Variants in UGT1A9 observed in about 807,000 individuals in gnomAD.
The protein encoded by UGT1A9 is UDP glucuronosyltransferase family 1 member A9.
A neutral mutation model predicts 45.0 loss-of-function variants in UGT1A9; 35 were observed. That is an observed-to-expected ratio of 0.78 (90% confidence interval 0.59 to 1.03). UGT1A9 has a LOEUF of 1.03. Among genes scored for constraint, UGT1A9 ranks in the 50% least tolerant of loss-of-function variants. The probability of loss-of-function intolerance (pLI) is 0.00; values close to 1 mark genes in which losing one functional copy is unlikely to be tolerated. For synonymous variants in UGT1A9, 278 were observed against 250.6 expected (o/e 1.11, Z -1.03); for missense variants, 687 against 666.6 (o/e 1.03, Z -0.34).
At chr2:233,693,691 T>C (rs755873387) in intron 1 of UGT1A9, 25 of 1,614,244 alleles carry the variant, frequency 1.5e-5, no homozygotes, top group Non-Finnish European at 2.0e-5. Flanking sequence ...TTTCAAAGTA[T>C]GAAGAACTCG....
chr2:233,745,152 G>T (rs1403503351), intron 1 of UGT1A9, among the ~76,000 whole-genome samples: 1 of 151,720 alleles, frequency 6.6e-6, no homozygotes, highest in Non-Finnish European at 1.5e-5. Flanking sequence ...GTATATGGAG[G>T]GTCAAATGTG....
chr2:233,760,467 A>G (rs1444464587), intron 1 of UGT1A9: 1 of 1,614,232 alleles, frequency 6.2e-7, no homozygotes, highest in South Asian at 1.1e-5. Context: ...TAGTTGTCCT[A>G]GCACCTGACG....
intron 1 of UGT1A9, chr2:233,721,833 A>G (rs1417252749): frequency 1.9e-6 from 1 of 515,974 alleles, no homozygotes; most frequent in African/African-American, 1.9e-5. Flanking sequence ...TGGGCCACCG[A>G]CCTTGTGTCC....
chr2:233,697,327 T>C (rs960818625), intron 1 of UGT1A9, among the ~76,000 whole-genome samples: 1 of 152,152 alleles, frequency 6.6e-6, no homozygotes, highest in Non-Finnish European at 1.5e-5. Context: ...TGTTTGGAAA[T>C]GTATCCATTT....
In UGT1A9 at chr2:233,719,617, C is replaced by T. The variant is rs756696112; in HGVS notation, c.855+46828C>T. On this transcript the variant is annotated intron_variant, in intron 1 of 4. Transcript: ENST00000354728. ...CGAGGGGACTTTGTGATGGACTACC[C>T]CAGGCCGATCATGCCCAACATGGTC... 9 of 1,614,012 alleles carry T rather than the reference C, an allele frequency of 5.6e-6. No homozygotes were observed. The South Asian group carries it at 9.9e-5, about 18-fold the overall frequency.
rs367716901 is a variant in UGT1A9, at chr2:233,672,396, C to T, written c.462C>T (p.Gly154=). 1.1e-5 allele frequency: 17 copies of T among 1,613,928 alleles called. No individual in the cohort carries two copies. The highest frequency in any genetic ancestry group is 1.4e-5 in the Non-Finnish European group (17 of 1,179,970). ...AVFLDPFDNC[G]LIVAKYFSLP... Reference sequence around the variant, plus strand: ...TTCTCGATCCTTTTGATAACTGTGGCTTAATTGTTGCCAAATATTTCTCCC... The same window carrying T: ...TTCTCGATCCTTTTGATAACTGTGGTTTAATTGTTGCCAAATATTTCTCCC... The change falls in exon 1 of 5, where the codon GGC becomes GGT. Residue 154 remains glycine, a synonymous_variant. Coordinates refer to ENST00000354728, the MANE Select transcript of UGT1A9 (RefSeq NM_021027.3).
At chr2:233,749,645 C>T (rs1375243273) in intron 1 of UGT1A9, among the ~76,000 whole-genome samples, 7 of 151,834 alleles carry the variant, frequency 4.6e-5, no homozygotes, top group Non-Finnish European at 1.0e-4. Flanking sequence ...CAAATCTCAT[C>T]TTGAATTGTA....
intron 1 of UGT1A9, among the ~76,000 whole-genome samples, chr2:233,698,148 C>T (rs1209454393): frequency 6.6e-6 from 1 of 152,182 alleles, no homozygotes; most frequent in Non-Finnish European, 1.5e-5. Context: ...ACTGTATTCC[C>T]AGCATGTCGT....
At chr2:233,686,570 G>A (rs1027526190) in intron 1 of UGT1A9, among the ~76,000 whole-genome samples, 18 of 152,112 alleles carry the variant, frequency 1.2e-4, no homozygotes, top group African/African-American at 4.3e-4. Flanking sequence ...GGTTTCAGAA[G>A]TTAGTGTGGA....
intron 1 of UGT1A9, among the ~76,000 whole-genome samples, chr2:233,734,195 T>C (rs2078497247): frequency 6.6e-6 from 1 of 152,310 alleles, no homozygotes; most frequent in African/African-American, 2.4e-5. Context: ...ATTGCCTCAA[T>C]TTCAGAGCCT....
intron 1 of UGT1A9, chr2:233,713,808 A>T: frequency 6.2e-7 from 1 of 1,614,048 alleles, no homozygotes; most frequent in African/African-American, 1.3e-5. Flanking sequence ...CATGCCCAAC[A>T]TGGTCTTCAT....
intron 1 of UGT1A9, among the ~76,000 whole-genome samples, chr2:233,724,340 A>G (rs1575552395): frequency 1.9e-5 from 2 of 104,210 alleles, no homozygotes; most frequent in Admixed American, 9.6e-5. Context: ...CGGGGGGCTG[A>G]CCCCCCCCAC....
intron 1 of UGT1A9, among the ~76,000 whole-genome samples, chr2:233,761,362 C>T (rs1697754061): frequency 6.6e-6 from 1 of 152,198 alleles, no homozygotes. Flanking sequence ...GAAAGCATTC[C>T]TTGGACATTT....
At chr2:233,750,273 A>T (rs1048305257) in intron 1 of UGT1A9, among the ~76,000 whole-genome samples, 6 of 151,954 alleles carry the variant, frequency 3.9e-5, no homozygotes, top group African/African-American at 1.5e-4. Context: ...TGCTTTAGCA[A>T]AGAGACTGGT....
At chr2:233,712,952 A>G (rs1036580894) in intron 1 of UGT1A9, 10 of 1,612,796 alleles carry the variant, frequency 6.2e-6, no homozygotes, top group Non-Finnish European at 7.6e-6. Flanking sequence ...AGGAGGCACA[A>G]CGTGGGGTGG....
chr2:233,747,207 T>A, intron 1 of UGT1A9: 1 of 1,605,232 alleles, frequency 6.2e-7, no homozygotes, highest in Non-Finnish European at 8.5e-7. Context: ...CCGTGTCTTC[T>A]GCTGAGATGG....
In UGT1A9 at chr2:233,772,261, G is replaced by A. The variant is rs1212085876; in HGVS notation, c.1296-1G>A. On this transcript the variant is annotated splice_acceptor_variant, in intron 4 of 4. Coordinates refer to ENST00000354728, the MANE Select transcript of UGT1A9 (RefSeq NM_021027.3). LOFTEE classifies it high-confidence loss of function. ...CATAACGAAACTGTCTTTGTGTTTA[G>A]TTACAAGGAGAACATCATGCGCCTC... The A allele has an allele frequency of 1.9e-5, 30 of 1,614,162 alleles. No homozygotes were observed. Among genetic ancestry groups the A allele is most frequent in the Non-Finnish European group, 2.5e-5 (30 of 1,180,064 alleles).
In UGT1A9 at chr2:233,709,929, AC is replaced by A. The variant is rs753284921; in HGVS notation, c.855+37143del. 8.4e-4 allele frequency among the ~76,000 whole-genome samples: 128 copies of A among 152,252 alleles called. 1 individual carries two copies. Among genetic ancestry groups the A allele is most frequent in the Non-Finnish European group, 3.8e-4 (26 of 68,008 alleles). ...CTAATACCTCCCCTCACCTTAGGCA[AC>A]CCTGGATGGTTTCTGTTGCTGGATA... On this transcript the variant is annotated intron_variant, in intron 1 of 4. Coordinates refer to ENST00000354728, the MANE Select transcript of UGT1A9 (RefSeq NM_021027.3).
chr2:233,767,805 T>C lies in UGT1A9; in HGVS notation c.988-44T>C, dbSNP rs774301079. On this transcript the variant is annotated intron_variant, in intron 2 of 4. Coordinates refer to ENST00000354728, the MANE Select transcript of UGT1A9 (RefSeq NM_021027.3). The stretch of plus-strand genomic sequence containing the variant: ...GTATAGCAGATTTGTTTTCTAATCA[T>C]ATTATGTTCTTTCTTTACGTTCTGC... 24 of 1,614,048 alleles carry C rather than the reference T, an allele frequency of 1.5e-5. No homozygotes were observed. In the South Asian group the frequency reaches 2.5e-4, roughly 17 times the overall value.
Sources: allele counts gnomAD v4.1 joint callset (sites outside exome capture counted in the v4.1 genomes callset), GRCh38; gene constraint gnomAD v4.1.1; transcripts MANE v1.5; gene names NCBI Gene and HGNC (gene_info 2026-07-23, HGNC 2026-07-21).